LRRC63: variants seen among roughly 807,000 people sequenced by gnomAD.
The protein encoded by LRRC63 is leucine-rich repeat-containing protein 63.
A neutral mutation model predicts 49.5 loss-of-function variants in LRRC63; 40 were observed. The ratio of observed to expected loss-of-function variants is 0.81; its 90% CI spans 0.63 to 1.05. LRRC63 has a LOEUF of 1.05. Among genes scored for constraint, LRRC63 ranks in the 50% least tolerant of loss-of-function variants. The pLI, the probability that LRRC63 is intolerant of heterozygous loss-of-function variation, is 0.00. For missense variants in LRRC63, 636 were observed against 663.1 expected (o/e 0.96, Z 0.45); for synonymous variants, 191 against 221.1 (o/e 0.86, Z 1.21).
At chr13:46,271,086 C>T (rs188620829) in intron 9 of LRRC63, among the ~76,000 whole-genome samples, 178 of 152,254 alleles carry the variant, frequency 1.2e-3, no homozygotes, top group Non-Finnish European at 2.3e-3. Flanking sequence ...TAACCAAACA[C>T]AAAACCCACT....
intron 4 of LRRC63, among the ~76,000 whole-genome samples, chr13:46,229,879 T>C (rs2046693853): frequency 6.6e-6 from 1 of 152,158 alleles, no homozygotes; most frequent in Non-Finnish European, 1.5e-5. Context: ...TTGCTGCTGG[T>C]GAGGGCCTCA....
At chr13:46,228,028 C>A in exon 3 of LRRC63, 1 of 1,551,086 alleles carries the variant, frequency 6.4e-7, no homozygotes, top group Middle Eastern at 1.7e-4. Flanking sequence ...GCAACAGTGC[C>A]AAGCCCTCCA....
At chr13:46,266,326 A>G (rs1451650298) in intron 8 of LRRC63, among the ~76,000 whole-genome samples, 2 of 152,230 alleles carry the variant, frequency 1.3e-5, no homozygotes, top group Non-Finnish European at 2.9e-5. Context: ...ATATGTTTTG[A>G]TAGCATAAAT....
intron 5 of LRRC63, among the ~76,000 whole-genome samples, chr13:46,245,540 A>G (rs148634192): frequency 0.011 from 1,654 of 152,316 alleles, 7 homozygotes; most frequent in Non-Finnish European, 0.016. Flanking sequence ...TCACAATAAG[A>G]TATCTAGAAA....
At chr13:46,234,393 A>T (rs764850738) in intron 5 of LRRC63, 44 bp downstream of exon 5, 2 of 1,515,916 alleles carry the variant, frequency 1.3e-6, no homozygotes, top group African/African-American at 2.8e-5. Flanking sequence ...TGTATTATCA[A>T]TTATTTTTGC....
At chr13:46,230,414 G>A (rs951972098) in intron 4 of LRRC63, among the ~76,000 whole-genome samples, 10 of 152,178 alleles carry the variant, frequency 6.6e-5, no homozygotes, top group African/African-American at 1.4e-4. Flanking sequence ...ATGATAGACC[G>A]TCTGCTAGTT....
chr13:46,260,156 G>A (rs2047590923), intron 7 of LRRC63, among the ~76,000 whole-genome samples: 2 of 152,152 alleles, frequency 1.3e-5, no homozygotes, highest in African/African-American at 4.8e-5. Flanking sequence ...CTCACAATCA[G>A]CAGGAATATG....
chr13:46,226,839 A>G (rs1594023671), intron 2 of LRRC63, among the ~76,000 whole-genome samples: 2 of 152,330 alleles, frequency 1.3e-5, no homozygotes, highest in East Asian at 3.9e-4. Flanking sequence ...CCTCATTTGA[A>G]TGTACAGATC....
chr13:46,257,198 G>A (rs2047526125), intron 7 of LRRC63, among the ~76,000 whole-genome samples: 1 of 152,186 alleles, frequency 6.6e-6, no homozygotes, highest in Non-Finnish European at 1.5e-5. Context: ...ATGGCCTTCA[G>A]CATACAGCCA....
exon 3 of LRRC63, chr13:46,228,047 T>C: frequency 6.4e-7 from 1 of 1,551,106 alleles, no homozygotes; most frequent in South Asian, 1.2e-5. Context: ...CACCTATGAC[T>C]GTATCTATGA....
intron 5 of LRRC63, among the ~76,000 whole-genome samples, chr13:46,241,775 C>T (rs1248562106): frequency 6.6e-6 from 1 of 151,960 alleles, no homozygotes; most frequent in Non-Finnish European, 1.5e-5. Context: ...AAGATACCAT[C>T]TCACATCAGG....
At chr13:46,271,737 A>AAAAC (rs1555330209) in intron 9 of LRRC63, among the ~76,000 whole-genome samples, 1 of 150,724 alleles carries the variant, frequency 6.6e-6, no homozygotes, top group African/African-American at 2.4e-5. Flanking sequence ...AAAAAAAAAA[A>AAAAC]CTCCAACAAC....
chr13:46,236,951 C>T (rs1321959202), intron 5 of LRRC63, among the ~76,000 whole-genome samples: 1 of 152,070 alleles, frequency 6.6e-6, no homozygotes, highest in African/African-American at 2.4e-5. Context: ...TTTTGTGTGC[C>T]ATTGGAGTTA....
chr13:46,274,692 A>C (rs2047807881), intron 9 of LRRC63, among the ~76,000 whole-genome samples: 2 of 152,162 alleles, frequency 1.3e-5, no homozygotes, highest in Non-Finnish European at 2.9e-5. Context: ...AGAATGATAG[A>C]AATTTTTGTT....
At chr13:46,271,777 A>G (rs2047762508) in intron 9 of LRRC63, among the ~76,000 whole-genome samples, 1 of 151,878 alleles carries the variant, frequency 6.6e-6, no homozygotes, top group Non-Finnish European at 1.5e-5. Flanking sequence ...ATCAGTTAAC[A>G]CTGAATTTCA....
chr13:46,234,059 A>C, intron 4 of LRRC63, 133 bp from the exon 5 acceptor site: 2 of 764,896 alleles, frequency 2.6e-6, no homozygotes, highest in South Asian at 4.5e-5. Flanking sequence ...GCTATGGGGA[A>C]TCCCTGCCAG....
exon 2 of LRRC63, chr13:46,213,103 G>C (rs2046141002): frequency 1.3e-6 from 2 of 1,545,584 alleles, no homozygotes; most frequent in Non-Finnish European, 8.7e-7. Context: ...CTTTACATGA[G>C]AAAAAAACCC....
At chr13:46,261,928 C>T (rs771775558) in exon 8 of LRRC63, 25 of 1,113,496 alleles carry the variant, frequency 2.2e-5, no homozygotes, top group Non-Finnish European at 8.2e-6. Flanking sequence ...CTTGTCTTAT[C>T]TTGAAGAACT....
chr13:46,263,679 A>G (rs7333619), intron 8 of LRRC63, among the ~76,000 whole-genome samples: 7,273 of 151,626 alleles, frequency 0.048, 589 homozygotes, highest in African/African-American at 0.17. Flanking sequence ...CCCTTATCCA[A>G]CTCTAGGCTT....
Sources: allele counts gnomAD v4.1 joint callset (sites outside exome capture counted in the v4.1 genomes callset), GRCh38; gene constraint gnomAD v4.1.1; transcripts MANE v1.5; gene names NCBI Gene and HGNC (gene_info 2026-07-23, HGNC 2026-07-21).